AKR1D1: variants seen among roughly 807,000 people sequenced by gnomAD.
AKR1D1 encodes delta(4)-3-ketosteroid 5-beta-reductase.
Under a neutral mutation model 42.6 loss-of-function variants are expected in AKR1D1, and 32 were observed. The ratio of observed to expected loss-of-function variants is 0.75; its 90% CI spans 0.57 to 1.01. The LOEUF (loss-of-function observed/expected upper bound fraction) is 1.01, where lower values mean the gene tolerates loss of function less well. AKR1D1 is among the 50% of genes least tolerant of loss of function. The pLI is 0.00. For synonymous variants in AKR1D1, 123 were observed against 135.5 expected, an observed-to-expected ratio of 0.91 and a Z score of 0.64; for missense variants, 364 against 402.2, an observed-to-expected ratio of 0.91 and a Z score of 0.81.
intron 8 of AKR1D1, among the ~76,000 whole-genome samples, chr7:138,115,609 G>A (rs1794619111): frequency 6.6e-6 from 1 of 152,096 alleles, no homozygotes; most frequent in Admixed American, 6.6e-5. Flanking sequence ...TCAGCAAGGT[G>A]GAACAAGAAT....
chr7:138,111,223 T>C (rs1794530317), intron 7 of AKR1D1, among the ~76,000 whole-genome samples: 2 of 152,224 alleles, frequency 1.3e-5, no homozygotes, highest in Admixed American at 1.3e-4. Context: ...CATTCACATA[T>C]GTAGTAACCT....
At chr7:138,115,192 C>T (rs1233133194) in intron 8 of AKR1D1, among the ~76,000 whole-genome samples, 1 of 152,126 alleles carries the variant, frequency 6.6e-6, no homozygotes, top group Non-Finnish European at 1.5e-5. Flanking sequence ...TCTGTAATTC[C>T]AGCACTCTGG....
intron 1 of AKR1D1, among the ~76,000 whole-genome samples, chr7:138,081,175 G>T (rs534032115): frequency 1.3e-5 from 2 of 152,250 alleles, no homozygotes; most frequent in Non-Finnish European, 2.9e-5. Context: ...ATCTGCCATG[G>T]TATTTCTGGA....
Position 138,117,846 on chromosome 7 carries a change from C to G in AKR1D1, c.*1184C>G, listed in dbSNP as rs1002113955. 2 of 152,028 alleles carry G rather than the reference C, an allele frequency of 1.3e-5. No homozygotes were observed. The highest frequency in any genetic ancestry group is 2.9e-5 in the Non-Finnish European group (2 of 68,044). 9.4% of individuals were successfully genotyped at this position (152,028 alleles called of 1,614,324 possible). ...CATCTTGGCTAACAAGGTGAAACCC[C>G]GTCTCTACTAAAAATACAAAAAATT... On this transcript the variant is annotated 3_prime_UTR_variant, in exon 9 of 9. Transcript: ENST00000242375.
At chr7:138,105,524 T>C in intron 5 of AKR1D1, 95 bp downstream of exon 5, 18 of 1,538,390 alleles carry the variant, frequency 1.2e-5, no homozygotes, top group Non-Finnish European at 1.6e-5. Flanking sequence ...AGGCTCATGA[T>C]TGCTCCACCT....
chr7:138,091,848 G>A lies in AKR1D1; in HGVS notation c.342G>A (p.Val114=). The change falls in exon 3 of 9, where the codon GTG becomes GTA. Residue 114 remains valine, a synonymous_variant. Coordinates refer to ENST00000242375, the MANE Select transcript of AKR1D1 (RefSeq NM_005989.4). ...RTLRVLQLDY[V]DLYIIEVPMA... Reference sequence around the variant, plus strand: ...TCAGGGTCCTCCAGCTAGATTATGTGGATCTTTACATCATTGAAGTACCCA... The same window carrying A: ...TCAGGGTCCTCCAGCTAGATTATGTAGATCTTTACATCATTGAAGTACCCA... The A allele has an allele frequency of 6.2e-7, 1 of 1,613,970 alleles. No individual in the cohort carries two copies. Among genetic ancestry groups the A allele is most frequent in the Non-Finnish European group, 8.5e-7 (1 of 1,179,912 alleles).
intron 3 of AKR1D1, among the ~76,000 whole-genome samples, chr7:138,092,344 T>A (rs1009727005): frequency 1.3e-5 from 2 of 152,182 alleles, no homozygotes; most frequent in Non-Finnish European, 2.9e-5. Context: ...TCCGCCCTCA[T>A]CCTCACTTTG....
intron 8 of AKR1D1, among the ~76,000 whole-genome samples, chr7:138,115,173 T>C (rs983564382): frequency 5.3e-5 from 8 of 152,226 alleles, no homozygotes; most frequent in African/African-American, 1.9e-4. Context: ...CCAGGTGCAG[T>C]GTCTCACATC....
chr7:138,093,201 C>T (rs542335284), intron 3 of AKR1D1, among the ~76,000 whole-genome samples: 1 of 151,634 alleles, frequency 6.6e-6, no homozygotes, highest in Non-Finnish European at 1.5e-5. Flanking sequence ...CCCAAGTAGC[C>T]GGGACTACAG....
chr7:138,083,224 G>A (rs1456002471), intron 1 of AKR1D1, among the ~76,000 whole-genome samples: 12 of 152,002 alleles, frequency 7.9e-5, no homozygotes, highest in Admixed American at 7.9e-4. Context: ...TCAGTTTTTT[G>A]ATAATAGTCA....
At chr7:138,105,059 T>C (rs975932997) in intron 4 of AKR1D1, among the ~76,000 whole-genome samples, 2 of 152,094 alleles carry the variant, frequency 1.3e-5, no homozygotes, top group African/African-American at 4.8e-5. Flanking sequence ...GCGCCCTACC[T>C]GGGATCACTA....
intron 7 of AKR1D1, 59 bp downstream of exon 7, chr7:138,107,639 ATAGAATG>A: frequency 6.3e-7 from 1 of 1,581,254 alleles, no homozygotes; most frequent in African/African-American, 1.3e-5. Flanking sequence ...TTTTGCTTTT[ATAGAATG>A]TGTTCAGCTT....
At chr7:138,104,328 TGA>T (rs1349442007) in intron 4 of AKR1D1, among the ~76,000 whole-genome samples, 1 of 152,002 alleles carries the variant, frequency 6.6e-6, no homozygotes, top group Non-Finnish European at 1.5e-5. Context: ...CATATATGTA[TGA>T]GAGAGAGAGG....
intron 1 of AKR1D1, among the ~76,000 whole-genome samples, chr7:138,078,058 C>A (rs1210105063): frequency 6.6e-6 from 1 of 152,166 alleles, no homozygotes; most frequent in African/African-American, 2.4e-5. Flanking sequence ...GACTCCCAGA[C>A]TCAAGCAATC....
intron 1 of AKR1D1, among the ~76,000 whole-genome samples, chr7:138,081,487 A>C (rs1392895683): frequency 7.0e-6 from 1 of 143,110 alleles, no homozygotes; most frequent in South Asian, 2.2e-4. Flanking sequence ...AATATCCAAA[A>C]TATAAAAGGA....
At chr7:138,105,664 C>T (rs752611589) in intron 5 of AKR1D1, among the ~76,000 whole-genome samples, 4 of 152,056 alleles carry the variant, frequency 2.6e-5, no homozygotes, top group South Asian at 4.1e-4. Flanking sequence ...CCGAGGCAGG[C>T]GATCACGAGG....
rs1398608700 is a variant in AKR1D1, at chr7:138,113,861, T to C, written c.938+89T>C. On this transcript the variant is annotated intron_variant, in intron 8 of 8. Transcript: ENST00000242375. ...CAAGGCTCATAAGAACCCTGACCTA[T>C]GTCCATAGCACCAGGGCAAAGCATG... The C allele has an allele frequency of 7.6e-6, 9 of 1,177,474 alleles. No individual in the cohort carries two copies. In the East Asian group the frequency reaches 1.2e-4, roughly 15 times the overall value. The allele number at this position is 1,177,474 out of a possible 1,614,324, so 72.9% of individuals were successfully genotyped here.
At chr7:138,091,346 G>A (rs890165478) in intron 2 of AKR1D1, 1 of 255,484 alleles carries the variant, frequency 3.9e-6, no homozygotes. Flanking sequence ...CAGTGGAAGA[G>A]GACGGCTTTC....
intron 8 of AKR1D1, among the ~76,000 whole-genome samples, chr7:138,115,961 C>T (rs1279424156): frequency 6.6e-6 from 1 of 152,156 alleles, no homozygotes; most frequent in Non-Finnish European, 1.5e-5. Flanking sequence ...GGTGTGGTGG[C>T]TCACACCTAT....
Sources: allele counts gnomAD v4.1 joint callset (sites outside exome capture counted in the v4.1 genomes callset), GRCh38; gene constraint gnomAD v4.1.1; transcripts MANE v1.5; gene names NCBI Gene and HGNC (gene_info 2026-07-23, HGNC 2026-07-21).